ARHGEF40: variants seen among roughly 807,000 people sequenced by gnomAD.
The protein encoded by ARHGEF40 is Rho guanine nucleotide exchange factor (GEF) 40.
Under a neutral mutation model 165.9 loss-of-function variants are expected in ARHGEF40, and 98 were observed. The ratio of observed to expected loss-of-function variants is 0.59; its 90% confidence interval spans 0.50 to 0.70. ARHGEF40 has a LOEUF of 0.70. Among genes scored for constraint, ARHGEF40 ranks in the 30% least tolerant of loss-of-function variants. The pLI is 0.00. For synonymous variants in ARHGEF40, 792 were observed against 814.3 expected (o/e 0.97, Z 0.47); for missense variants, 1,815 against 1,968.0 (o/e 0.92, Z 1.47).
At chr14:21,061,334 T>A in the ARHGEF40 span, among the ~76,000 whole-genome samples, 1 of 152,162 alleles carries the variant, frequency 6.6e-6, no homozygotes, top group African/African-American at 2.4e-5. Context: ...GTAGAATGAA[T>A]CGTTAAGGAG....
chr14:21,078,871 GCTC>G lies in ARHGEF40; in HGVS notation c.2247-10_2247-8del, dbSNP rs1170621321. 3 of 1,610,720 alleles carry G rather than the reference GCTC, an allele frequency of 1.9e-6. No individual in the cohort carries two copies. The highest frequency in any genetic ancestry group is 2.5e-6 in the Non-Finnish European group (3 of 1,177,248). ...CAAGGGAAATGATTCATTCTTCTCT[GCTC>G]CTTCCCAAGGCTGGAGGGCCAAGGC... On this transcript the variant is annotated splice_polypyrimidine_tract_variant and intron_variant, in intron 10 of 23. Coordinates refer to ENST00000298694, the MANE Select transcript of ARHGEF40 (RefSeq NM_018071.5).
intron 18 of ARHGEF40, 60 bp from the exon 19 acceptor site, chr14:21,085,629 G>A: frequency 1.9e-6 from 3 of 1,566,434 alleles, no homozygotes; most frequent in East Asian, 2.3e-5. Flanking sequence ...TGCTTGCCAT[G>A]TGGCGCCACC....
rs779346652 is a variant in ARHGEF40 at position 21,081,787 on chromosome 14, C to T, written c.2919C>T (p.Ala973=). Residue 973 remains alanine (A), a synonymous_variant, in exon 14 of 24, where the codon GCC becomes GCT. Transcript: ENST00000298694. ...ACCGACGACGGCGGGCAGACGGTGC[C>T]AGCAGTGGAGGGGCCCAGTGGGGGC... The part of the protein sequence containing the change: ...RGYRRRRADG[A]SSGGAQWGPR... The T allele has an allele frequency of 1.3e-6, 2 of 1,597,946 alleles. No individual in the cohort carries two copies. Among genetic ancestry groups the T allele is most frequent in the African/African-American group, 1.3e-5 (1 of 74,506 alleles).
Position 21,076,839 on chromosome 14 carries a change from G to A in ARHGEF40, c.1983G>A (p.Glu661=), listed in dbSNP as rs757579563. 6 of 1,613,830 alleles carry A rather than the reference G, an allele frequency of 3.7e-6. No individual in the cohort carries two copies. Among genetic ancestry groups the A allele is most frequent in the African/African-American group, 1.3e-5 (1 of 74,894 alleles). ...RVAKPEELQW[E]LGGHRDPSPS... The stretch of plus-strand genomic sequence containing the variant: ...CCAAGCCAGAGGAGCTGCAGTGGGA[G>A]TTAGGAGGTCACAGGGACCCCTCTC... Residue 661 remains glutamate, a synonymous_variant, in exon 8 of 24, where the codon GAG becomes GAA. Coordinates refer to ENST00000298694, the MANE Select transcript of ARHGEF40 (RefSeq NM_018071.5).
the ARHGEF40 span, among the ~76,000 whole-genome samples, chr14:21,063,762 G>A: frequency 2.0e-5 from 3 of 152,196 alleles, no homozygotes; most frequent in East Asian, 5.8e-4. Context: ...TGGTTTTGGA[G>A]CAAAGGGCTG....
chr14:21,070,341 G>A lies in ARHGEF40; in HGVS notation c.-56G>A. Reference sequence around the variant, plus strand: ...ACACGAGCGGCGGGAGGGAGGCGGTGGCGCGCCCGGCCCCGCCCGCCCGAC... The same window carrying A: ...ACACGAGCGGCGGGAGGGAGGCGGTAGCGCGCCCGGCCCCGCCCGCCCGAC... On this transcript the variant is annotated 5_prime_UTR_variant, in exon 1 of 24. Coordinates refer to ENST00000298694, the MANE Select transcript of ARHGEF40 (RefSeq NM_018071.5). This position sits in a 1 kb window ranked among gnomAD's most constrained non-coding sequence, Gnocchi z 4.7. The A allele has an allele frequency of 1.4e-6, 2 of 1,402,178 alleles. No individual in the cohort carries two copies. Among genetic ancestry groups the A allele is most frequent in the Non-Finnish European group, 9.2e-7 (1 of 1,082,928 alleles). 86.9% of individuals were successfully genotyped at this position (1,402,178 alleles called of 1,614,324 possible). A position where few individuals can be genotyped will look rare whatever the true frequency, so the allele number is the denominator to read the frequency against.
At position 21,074,541 on chromosome 14, in the gene ARHGEF40, G is replaced by A. The variant is rs750032175; in HGVS notation, c.811G>A (p.Val271Ile). 1.9e-6 allele frequency: 3 copies of A among 1,551,444 alleles called. No individual in the cohort carries two copies. The highest frequency in any genetic ancestry group is 1.7e-6 in the Non-Finnish European group (2 of 1,148,640). ...GSPGLSRVRT[V>I]PTRKGAGGKG... ...CCCAGGCCTCTCCAGAGTCCGGACG[G>A]TACCCACCCGCAAGGGCGCTGGAGG... The change falls in exon 3 of 24, where the codon GTA (valine) becomes ATA (isoleucine). Residue 271 changes from valine to isoleucine, a missense_variant. Coordinates refer to ENST00000298694, the MANE Select transcript of ARHGEF40 (RefSeq NM_018071.5). The surrounding 1 kb of genome is among the most constrained non-coding windows in gnomAD (Gnocchi z 4.8).
upstream of ARHGEF40, among the ~76,000 whole-genome samples, chr14:21,066,073 T>C (rs1408659408): frequency 1.3e-5 from 2 of 152,120 alleles, no homozygotes; most frequent in Admixed American, 1.3e-4. Flanking sequence ...CACTCCAGCC[T>C]GGGCGACAGA....
upstream of ARHGEF40, among the ~76,000 whole-genome samples, chr14:21,068,816 C>T (rs1041537184): frequency 7.2e-5 from 11 of 152,234 alleles, no homozygotes; most frequent in African/African-American, 2.4e-4. Context: ...CTCTTCTTGC[C>T]TCTAAGAAGG....
chr14:21,088,804 A>AT (rs35186993), intron 22 of ARHGEF40, 26 bp from the exon 23 acceptor site: 1,206,132 of 1,601,646 alleles, frequency 0.75, 457,987 homozygotes, highest in Admixed American at 0.83. Flanking sequence ...ATGTCCCTAA[A>AT]TTCACTGTAG....
At chr14:21,087,262 G>A in intron 20 of ARHGEF40, 58 bp from the exon 21 acceptor site, 1 of 1,586,496 alleles carries the variant, frequency 6.3e-7, no homozygotes, top group Non-Finnish European at 8.6e-7. Flanking sequence ...GTCATTCCAG[G>A]GAGCCAAGAG....
At chr14:21,065,419 T>C (rs1886210809), upstream of ARHGEF40, among the ~76,000 whole-genome samples, 1 of 152,198 alleles carries the variant, frequency 6.6e-6, no homozygotes, top group Admixed American at 6.5e-5. Flanking sequence ...ATGATCTCTT[T>C]TGGGAACTGG....
rs144548724 is a variant in ARHGEF40 at position 21,074,317 on chromosome 14, A to G, written c.587A>G (p.His196Arg). ...FVHKEGLMVG[H>R]QPSTLPPELP... is the part of the protein sequence containing the mutation. ...CACAAAGAGGGCCTCATGGTTGGAC[A>G]TCAGCCAAGTACACTGCCCCCAGAA... The change falls in exon 3 of 24, where the codon CAT (histidine) becomes CGT (arginine). Residue 196 changes from histidine to arginine, a missense_variant. His to Arg is a conservative substitution (Grantham distance 29). Transcript: ENST00000298694. This position sits in a 1 kb window ranked among gnomAD's most constrained non-coding sequence, Gnocchi z 4.8. 214 of 1,614,156 alleles carry G rather than the reference A, an allele frequency of 1.3e-4. 1 individual carries two copies. In the East Asian group the frequency reaches 3.0e-3, roughly 23 times the overall value.
upstream of ARHGEF40, among the ~76,000 whole-genome samples, chr14:21,066,595 A>C (rs1160561786): frequency 2.6e-5 from 4 of 152,124 alleles, no homozygotes; most frequent in Non-Finnish European, 5.9e-5. Flanking sequence ...CGGTCTCCCA[A>C]AGTGCTGGGA....
At chr14:21,065,139 C>G in the ARHGEF40 span, among the ~76,000 whole-genome samples, 1 of 151,876 alleles carries the variant, frequency 6.6e-6, no homozygotes, top group South Asian at 2.1e-4. Flanking sequence ...CCACTGCACT[C>G]CAGCCTGGGC....
Position 21,078,395 on chromosome 14 carries a change from C to A in ARHGEF40, c.2153C>A (p.Pro718Gln). The change falls in exon 10 of 24, where the codon CCA becomes CAA. Residue 718 changes from proline to glutamine, a missense_variant. Pro to Gln is a moderately conservative substitution (Grantham distance 76). Coordinates refer to ENST00000298694, the MANE Select transcript of ARHGEF40 (RefSeq NM_018071.5). ...CAGGAGGCAGTGGGAATGCCCAAGC[C>A]ACTGCAGAAGGTGCTGGCAGATCCC... ...EEEEAVGMPK[P>Q]LQKVLADPRL... is the part of the protein sequence containing the mutation. 6.2e-7 allele frequency: 1 copy of A among 1,609,852 alleles called. No homozygotes were observed.
At chr14:21,063,079 G>A in the ARHGEF40 span, among the ~76,000 whole-genome samples, 2 of 151,996 alleles carry the variant, frequency 1.3e-5, no homozygotes, top group Admixed American at 1.3e-4. Context: ...GCAGTCAGCT[G>A]AGATTTCACC....
At chr14:21,078,067 A>AT in intron 8 of ARHGEF40, 110 bp from the exon 9 acceptor site, 1 of 940,674 alleles carries the variant, frequency 1.1e-6, no homozygotes, top group Non-Finnish European at 1.5e-6. Flanking sequence ...CAGGAACTGA[A>AT]TTCAGCATTG....
intron 18 of ARHGEF40, 84 bp downstream of exon 18, chr14:21,085,007 A>G: frequency 6.6e-7 from 1 of 1,521,010 alleles, no homozygotes; most frequent in Non-Finnish European, 8.9e-7. Flanking sequence ...ATTCAGCCCC[A>G]ACAGAGGTTC....
Sources: allele counts gnomAD v4.1 joint callset (sites outside exome capture counted in the v4.1 genomes callset), GRCh38; gene constraint gnomAD v4.1.1; non-coding constraint Gnocchi (gnomAD v3.1); transcripts MANE v1.5; gene names NCBI Gene and HGNC (gene_info 2026-07-23, HGNC 2026-07-21).